The following FHIT variants were observed in gnomAD, a reference collection of about 807,000 sequenced individuals.
FHIT encodes the protein bis(5'-adenosyl)-triphosphatase.
A neutral mutation model predicts 17.9 loss-of-function variants in FHIT; 19 were observed. That is an observed-to-expected ratio of 1.06 (90% CI 0.74 to 1.56). FHIT has a LOEUF of 1.56. Among genes scored for constraint, FHIT ranks in the 40% most tolerant of loss-of-function variants. The pLI is 0.00. For synonymous variants in FHIT, 81 were observed against 69.7 expected (o/e 1.16, Z -0.81); for missense variants, 248 against 189.2 (o/e 1.31, Z -1.82).
At chr3:59,998,445 A>C (rs1282844292) in intron 7 of FHIT, among the ~76,000 whole-genome samples, 1 of 152,154 alleles carries the variant, frequency 6.6e-6, no homozygotes, top group Non-Finnish European at 1.5e-5. Flanking sequence ...AGGCAGAGAC[A>C]CTAGTACTAT....
At chr3:60,242,792 A>C (rs1405043767) in intron 5 of FHIT, among the ~76,000 whole-genome samples, 2 of 152,096 alleles carry the variant, frequency 1.3e-5, no homozygotes, top group East Asian at 3.8e-4. Flanking sequence ...ATTAGACAGC[A>C]CTGCTTTCAG....
chr3:60,170,993 A>G (rs1055216857), intron 5 of FHIT, among the ~76,000 whole-genome samples: 2 of 152,168 alleles, frequency 1.3e-5, no homozygotes, highest in African/African-American at 4.8e-5. Flanking sequence ...GGAGAACTGG[A>G]GGCCTAGGAA....
intron 7 of FHIT, among the ~76,000 whole-genome samples, chr3:59,928,349 G>C (rs577571995): frequency 1.3e-5 from 2 of 152,292 alleles, no homozygotes; most frequent in East Asian, 3.9e-4. Flanking sequence ...AGATTTTCCA[G>C]GTTGCCCCAA....
At chr3:61,122,395 A>T (rs892916459) in intron 2 of FHIT, among the ~76,000 whole-genome samples, 13 of 152,364 alleles carry the variant, frequency 8.5e-5, no homozygotes, top group Admixed American at 3.3e-4. Flanking sequence ...CTAAAACCAT[A>T]GAAACCCTAG....
At chr3:60,747,825 G>GAGA (rs2042389171) in intron 4 of FHIT, among the ~76,000 whole-genome samples, 7 of 152,042 alleles carry the variant, frequency 4.6e-5, no homozygotes, top group African/African-American at 1.7e-4. Flanking sequence ...GATTTTTCAA[G>GAGA]GTTATATAAT....
At chr3:60,392,468 C>A (rs888423787) in intron 5 of FHIT, among the ~76,000 whole-genome samples, 2 of 152,168 alleles carry the variant, frequency 1.3e-5, no homozygotes, top group African/African-American at 2.4e-5. Flanking sequence ...TCACCTTGTT[C>A]ATGCTTTAAC....
chr3:60,638,825 G>T (rs1553684627), intron 4 of FHIT, among the ~76,000 whole-genome samples: 1 of 151,374 alleles, frequency 6.6e-6, no homozygotes, highest in African/African-American at 2.4e-5. Context: ...ATTCAAAGAG[G>T]GTGTGAATGG....
At chr3:59,821,287 A>G (rs1700777612) in intron 8 of FHIT, among the ~76,000 whole-genome samples, 1 of 152,216 alleles carries the variant, frequency 6.6e-6, no homozygotes, top group Non-Finnish European at 1.5e-5. Context: ...AAACATGATA[A>G]TATTTGTGAA....
chr3:60,538,361 T>C (rs1161854552), intron 4 of FHIT, among the ~76,000 whole-genome samples: 1 of 152,210 alleles, frequency 6.6e-6, no homozygotes, highest in African/African-American at 2.4e-5. Flanking sequence ...ATGGCCATAC[T>C]GTCCAAGGTA....
intron 3 of FHIT, among the ~76,000 whole-genome samples, chr3:60,860,478 GA>G (rs1246830265): frequency 1.3e-4 from 16 of 123,318 alleles, no homozygotes; most frequent in South Asian, 7.5e-4. Context: ...ATGTATATAT[GA>G]TACATATGTA....
intron 3 of FHIT, among the ~76,000 whole-genome samples, chr3:61,040,533 G>A (rs1559932131): frequency 1.3e-5 from 2 of 152,146 alleles, no homozygotes; most frequent in Admixed American, 6.5e-5. Context: ...TATTGTCACT[G>A]TTTTTTAAAA....
At chr3:60,756,992 C>T (rs546474487) in intron 4 of FHIT, among the ~76,000 whole-genome samples, 22 of 151,690 alleles carry the variant, frequency 1.5e-4, no homozygotes, top group Non-Finnish European at 2.8e-4. Flanking sequence ...GCATACAAGA[C>T]CAACCACAAA....
At chr3:60,127,745 C>T (rs543922645) in intron 5 of FHIT, among the ~76,000 whole-genome samples, 6 of 152,164 alleles carry the variant, frequency 3.9e-5, no homozygotes, top group East Asian at 1.9e-4. Flanking sequence ...GCACTATTGG[C>T]GTGCTCCTCC....
intron 4 of FHIT, among the ~76,000 whole-genome samples, chr3:60,578,440 A>AACACACACACACACACACACAC (rs71748891): frequency 2.1e-5 from 3 of 144,396 alleles, no homozygotes; most frequent in East Asian, 4.2e-4. Flanking sequence ...CCATCTACAA[A>AACACACACACACACACACACAC]ACACACACAC....
intron 5 of FHIT, among the ~76,000 whole-genome samples, chr3:60,318,044 G>A (rs1576466946): frequency 6.6e-6 from 1 of 151,808 alleles, no homozygotes; most frequent in Admixed American, 6.6e-5. Flanking sequence ...CACCTGCCTC[G>A]GCCTCCCAAA....
At chr3:60,097,310 C>A (rs1703993947) in intron 5 of FHIT, among the ~76,000 whole-genome samples, 1 of 152,034 alleles carries the variant, frequency 6.6e-6, no homozygotes, top group South Asian at 2.1e-4. Context: ...ACCCCTTGAC[C>A]ATGATGGGTC....
At chr3:60,736,405 C>T (rs1157678051) in intron 4 of FHIT, among the ~76,000 whole-genome samples, 1 of 152,156 alleles carries the variant, frequency 6.6e-6, no homozygotes, top group Non-Finnish European at 1.5e-5. Context: ...TTTCCATTTA[C>T]TAATGAATGG....
At chr3:60,943,973 C>T (rs1205844093) in intron 3 of FHIT, among the ~76,000 whole-genome samples, 1 of 152,078 alleles carries the variant, frequency 6.6e-6, no homozygotes, top group African/African-American at 2.4e-5. Context: ...TTAAAAATTT[C>T]TATCGGGAAC....
chr3:60,705,029 T>G (rs1431337358), intron 4 of FHIT, among the ~76,000 whole-genome samples: 1 of 150,908 alleles, frequency 6.6e-6, no homozygotes, highest in Non-Finnish European at 1.5e-5. Flanking sequence ...GCACATACTC[T>G]GTTAAGTCCA....
Sources: gnomAD v4.1 joint callset for allele counts (sites outside exome capture counted in the v4.1 genomes callset) on GRCh38, gnomAD v4.1.1 for gene constraint, MANE v1.5 for transcripts, NCBI Gene and HGNC (gene_info 2026-07-23, HGNC 2026-07-21) for gene names.